Variants in KMT5B observed in about 807,000 individuals in gnomAD.
KMT5B encodes histone-lysine N-methyltransferase KMT5B.
Under a neutral mutation model 83.2 loss-of-function variants are expected in KMT5B, and 10 were observed. The observed-to-expected ratio is 0.12, with a 90% CI of 0.07 to 0.20. KMT5B has a LOEUF of 0.20. KMT5B is among the 10% of genes least tolerant of loss of function. The probability of loss-of-function intolerance (pLI) is 1.00; values close to 1 mark genes in which losing one functional copy is unlikely to be tolerated. For synonymous variants in KMT5B, 349 were observed against 388.8 expected, an observed-to-expected ratio of 0.90 and a Z score of 1.20; for missense variants, 753 against 1,067.2, an observed-to-expected ratio of 0.71 and a Z score of 4.10.
At chr11:68,208,405 A>G (rs1333833344) in intron 1 of KMT5B, among the ~76,000 whole-genome samples, 1 of 151,960 alleles carries the variant, frequency 6.6e-6, no homozygotes, top group Non-Finnish European at 1.5e-5. Flanking sequence ...ATGAGCCAAG[A>G]TCGCGCCACT....
chr11:68,189,416 C>A (rs1212132217), intron 2 of KMT5B, among the ~76,000 whole-genome samples: 3 of 152,216 alleles, frequency 2.0e-5, no homozygotes, highest in Admixed American at 1.3e-4. Context: ...CAACTGTCTA[C>A]CCTGTATAAA....
At chr11:68,189,037 C>T (rs1000350954) in intron 2 of KMT5B, among the ~76,000 whole-genome samples, 1 of 152,152 alleles carries the variant, frequency 6.6e-6, no homozygotes, top group African/African-American at 2.4e-5. Flanking sequence ...CCCAATGAAT[C>T]GCATAAACCC....
chr11:68,213,238 C>G lies in KMT5B; in HGVS notation c.-177G>C, dbSNP rs988388576. ...CGCCGGGCCCCGCGTCCCAGTCCCC[C>G]CCAGAAAATTAATCACCAAAAATAA... On this transcript the variant is annotated 5_prime_UTR_variant, in exon 1 of 11. Transcript: ENST00000304363. The G allele has an allele frequency of 6.8e-6, 1 of 146,668 alleles. No homozygotes were observed. Among genetic ancestry groups the G allele is most frequent in the Non-Finnish European group, 1.5e-5 (1 of 65,926 alleles). The allele number at this position is 146,668 out of a possible 1,614,324, so 9.1% of individuals were successfully genotyped here. A position where few individuals can be genotyped will look rare whatever the true frequency, so the allele number is the denominator to read the frequency against.
chr11:68,191,000 C>A (rs1359381541), intron 1 of KMT5B, among the ~76,000 whole-genome samples: 2 of 152,090 alleles, frequency 1.3e-5, no homozygotes, highest in Non-Finnish European at 2.9e-5. Context: ...ATTTTTGTGT[C>A]TTTTTGTCTG....
intron 10 of KMT5B, chr11:68,166,421 C>A: frequency 9.9e-7 from 1 of 1,014,652 alleles, no homozygotes. Context: ...GCCAATACAG[C>A]ATGTCACAAT....
intron 10 of KMT5B, among the ~76,000 whole-genome samples, chr11:68,160,804 G>A (rs1479716771): frequency 3.9e-5 from 6 of 152,114 alleles, no homozygotes; most frequent in Non-Finnish European, 8.8e-5. Context: ...AAAATTAGTC[G>A]GGCACGGTGG....
intron 1 of KMT5B, among the ~76,000 whole-genome samples, chr11:68,212,324 C>A (rs957194011): frequency 6.6e-6 from 1 of 152,228 alleles, no homozygotes; most frequent in Non-Finnish European, 1.5e-5. Flanking sequence ...ACTCCCCCCA[C>A]TCCAGGTAAA....
chr11:68,194,791 G>T (rs1050552168), intron 1 of KMT5B, among the ~76,000 whole-genome samples: 1 of 152,282 alleles, frequency 6.6e-6, no homozygotes, highest in Middle Eastern at 3.4e-3. Flanking sequence ...ATGTTCTGTG[G>T]CTATAAGCTT....
At chr11:68,193,260 C>A (rs964094447) in intron 1 of KMT5B, among the ~76,000 whole-genome samples, 1 of 152,190 alleles carries the variant, frequency 6.6e-6, no homozygotes, top group African/African-American at 2.4e-5. Flanking sequence ...AGCACTGCTG[C>A]CCAACAAATT....
At chr11:68,167,688 G>A (rs1057183419) in intron 9 of KMT5B, among the ~76,000 whole-genome samples, 1 of 152,084 alleles carries the variant, frequency 6.6e-6, no homozygotes, top group Non-Finnish European at 1.5e-5. Context: ...CAACTGCTGG[G>A]CTCAAGGGAT....
At chr11:68,198,490 GACAA>G (rs1859012966) in intron 1 of KMT5B, among the ~76,000 whole-genome samples, 1 of 131,448 alleles carries the variant, frequency 7.6e-6, no homozygotes, top group South Asian at 2.3e-4. Context: ...GACAAGACAA[GACAA>G]GACAGGGCGG....
intron 3 of KMT5B, among the ~76,000 whole-genome samples, chr11:68,184,933 G>A (rs1016691357): frequency 3.3e-5 from 5 of 152,054 alleles, no homozygotes; most frequent in African/African-American, 1.2e-4. Flanking sequence ...TACAGCATTT[G>A]GTACTCAAAA....
chr11:68,166,838 C>T (rs1356848173), intron 10 of KMT5B, 144 bp downstream of exon 10: 1 of 1,463,012 alleles, frequency 6.8e-7, no homozygotes, highest in Non-Finnish European at 9.0e-7. Flanking sequence ...CAAATCACGT[C>T]TAGAGCCTTG....
chr11:68,198,399 A>G (rs920821737), intron 1 of KMT5B, among the ~76,000 whole-genome samples: 4 of 150,608 alleles, frequency 2.7e-5, no homozygotes, highest in East Asian at 1.9e-4. Flanking sequence ...AAAAGAAGAG[A>G]AAAGAAGAGG....
At chr11:68,188,014 A>G (rs1388317230) in intron 2 of KMT5B, among the ~76,000 whole-genome samples, 1 of 146,740 alleles carries the variant, frequency 6.8e-6, no homozygotes, top group Non-Finnish European at 1.5e-5. Context: ...AGTAATGGCC[A>G]TTTTCCTTTT....
chr11:68,190,427 T>A (rs553458893), intron 1 of KMT5B, among the ~76,000 whole-genome samples: 6 of 152,204 alleles, frequency 3.9e-5, no homozygotes, highest in African/African-American at 9.7e-5. Context: ...TACTTTTTTT[T>A]AAGTTAACTA....
In KMT5B at chr11:68,158,695, C is replaced by A; in HGVS notation, c.1651G>T (p.Ala551Ser). ...TTTGGTTCAAGCTTGATGTCAGAGGCCTCCTTCAGATTTGTTCTTGTCCTC... is the reference window on the plus strand; with the variant it reads ...TTTGGTTCAAGCTTGATGTCAGAGGACTCCTTCAGATTTGTTCTTGTCCTC... ...SVRTRTNLKE[A>S]SDIKLEPNTL... Residue 551 changes from alanine to serine, a missense_variant, in exon 11 of 11, where the codon GCC becomes TCC. Coordinates refer to ENST00000304363, the MANE Select transcript of KMT5B (RefSeq NM_017635.5). The A allele has an allele frequency of 3.7e-6, 6 of 1,614,080 alleles. No homozygotes were observed. The highest frequency in any genetic ancestry group is 1.3e-5 in the African/African-American group (1 of 75,010).
chr11:68,171,739 T>C lies in KMT5B; in HGVS notation c.654-30A>G, dbSNP rs1855853457. ...TTAAAATATGTGATGTGTTAAAAAT[T>C]ACTAGTAATTAAATATAGTAAGGCT... On this transcript the variant is annotated intron_variant, in intron 6 of 10. Coordinates refer to ENST00000304363, the MANE Select transcript of KMT5B (RefSeq NM_017635.5). This position sits in a 1 kb window ranked among gnomAD's most constrained non-coding sequence, Gnocchi z 5.1. 6.6e-7 allele frequency: 1 copy of C among 1,512,018 alleles called. No homozygotes were observed. The highest frequency in any genetic ancestry group is 1.4e-5 in the African/African-American group (1 of 72,018). The allele number at this position is 1,512,018 out of a possible 1,614,324, so 93.7% of individuals were successfully genotyped here.
chr11:68,209,649 TC>T (rs1488417079), intron 1 of KMT5B, among the ~76,000 whole-genome samples: 1 of 152,172 alleles, frequency 6.6e-6, no homozygotes, highest in Admixed American at 6.5e-5. Context: ...AGCAACCCTA[TC>T]AGGTGAAACA....
Sources: gnomAD v4.1 joint callset for allele counts (sites outside exome capture counted in the v4.1 genomes callset) on GRCh38, gnomAD v4.1.1 for gene constraint, Gnocchi (gnomAD v3.1) non-coding constraint, MANE v1.5 for transcripts, NCBI Gene and HGNC (gene_info 2026-07-23, HGNC 2026-07-21) for gene names.